The following JMJD7 variants were observed in gnomAD, a reference collection of about 807,000 sequenced individuals.
JMJD7 encodes the protein jumonji domain containing 7, also known as bifunctional peptidase and (3S)-lysyl hydroxylase JMJD7.
Under a neutral mutation model 41.1 loss-of-function variants are expected in JMJD7, and 41 were observed. The ratio of observed to expected loss-of-function variants is 1.00; its 90% CI spans 0.78 to 1.30. The LOEUF (loss-of-function observed/expected upper bound fraction) is 1.30, where lower values mean the gene tolerates loss of function less well. JMJD7 is among the 50% of genes most tolerant of loss of function. The pLI, the probability that JMJD7 is intolerant of heterozygous loss-of-function variation, is 0.00. For missense variants in JMJD7, 480 were observed against 420.7 expected (o/e 1.14, Z -1.23); for synonymous variants, 202 against 177.2 (o/e 1.14, Z -1.11).
chr15:41,831,769 C>T (rs889642989), intron 1 of JMJD7, among the ~76,000 whole-genome samples: 2 of 152,132 alleles, frequency 1.3e-5, no homozygotes, highest in East Asian at 1.9e-4. Flanking sequence ...CAGTAAAGCT[C>T]CTCTTTGTCT....
rs905323695 is a variant in JMJD7 at position 41,837,445 on chromosome 15, C to G, written c.*289C>G. On this transcript the variant is annotated 3_prime_UTR_variant, in exon 8 of 8. Coordinates refer to ENST00000397299, the MANE Select transcript of JMJD7 (RefSeq NM_001114632.2). ...TGTGATGTTGGGCGAGTCACTGCGT[C>G]TCGGGCATTGGTGTCCTGTCAGTAA... 2.1e-6 allele frequency: 1 copy of G among 487,300 alleles called. No individual in the cohort carries two copies. The highest frequency in any genetic ancestry group is 3.7e-6 in the Non-Finnish European group (1 of 273,622). The allele number at this position is 487,300 out of a possible 1,614,324, so 30.2% of individuals were successfully genotyped here. A position where few individuals can be genotyped will look rare whatever the true frequency, so the allele number is the denominator to read the frequency against.
chr15:41,836,892 C>T lies in JMJD7; in HGVS notation c.814C>T (p.Pro272Ser), dbSNP rs767374060. The T allele has an allele frequency of 1.2e-6, 2 of 1,613,570 alleles. No individual in the cohort carries two copies. ...TVRAGEMLYL[P>S]ALWFHHVQQS... is the part of the protein sequence containing the mutation. Reference sequence around the variant, plus strand: ...GCGGGCCGGTGAGATGCTCTATCTGCCGGCTCTGTGGTTCCACCACGTCCA... The same window carrying T: ...GCGGGCCGGTGAGATGCTCTATCTGTCGGCTCTGTGGTTCCACCACGTCCA... The change falls in exon 7 of 8, where the codon CCG becomes TCG. Residue 272 changes from proline (P) to serine (S), a missense_variant. By Grantham distance (74) the Pro-to-Ser change is moderately conservative. Transcript: ENST00000397299.
At chr15:41,830,186 G>A (rs1227955347) in intron 1 of JMJD7, among the ~76,000 whole-genome samples, 4 of 152,136 alleles carry the variant, frequency 2.6e-5, no homozygotes, top group Non-Finnish European at 5.9e-5. Context: ...CCTGAACCTC[G>A]CTCCCTGCCA....
intron 4 of JMJD7, 108 bp from the exon 5 acceptor site, chr15:41,836,040 C>A: frequency 8.1e-7 from 1 of 1,241,450 alleles, no homozygotes; most frequent in South Asian, 1.5e-5. Flanking sequence ...GCGTGCTTCT[C>A]TTTTGTCATA....
In JMJD7 at chr15:41,833,704, G is replaced by T. The variant is rs550066175; in HGVS notation, c.65-1036G>T. Among the ~76,000 whole-genome samples the T allele has an allele frequency of 5.9e-5, 9 of 152,086 alleles. No homozygotes were observed. In the South Asian group the frequency reaches 1.9e-3, roughly 32 times the overall value. On this transcript the variant is annotated intron_variant, in intron 1 of 7. Transcript: ENST00000397299. ...CAAAGTGCTGGGATTACAGACATGAGCCACCACGTCTAGCCCTAAAATATA... is the reference window on the plus strand; with the variant it reads ...CAAAGTGCTGGGATTACAGACATGATCCACCACGTCTAGCCCTAAAATATA...
chr15:41,835,536 A>G (rs2241522), intron 3 of JMJD7, 52 bp from the exon 4 acceptor site: 524,946 of 1,588,014 alleles, frequency 0.33, 89,541 homozygotes, highest in Admixed American at 0.39. Context: ...ACTGGATGGC[A>G]GCTTTCCCCA....
chr15:41,833,414 A>ATTTTTTTTTTTTTTTT (rs67111164), intron 1 of JMJD7, among the ~76,000 whole-genome samples: 2 of 32,012 alleles, frequency 6.2e-5, no homozygotes, highest in East Asian at 9.9e-4. Flanking sequence ...ATATATATAT[A>ATTTTTTTTTTTTTTTT]TTTTTTTTTT....
chr15:41,832,519 G>C (rs573450289), intron 1 of JMJD7: 1 of 152,646 alleles, frequency 6.6e-6, no homozygotes, highest in African/African-American at 2.4e-5. Context: ...CAAGGTGACT[G>C]CTTGGATGGG....
Position 41,837,406 on chromosome 15 carries a change from C to T in JMJD7, c.*250C>T, listed in dbSNP as rs1352069085. 4 of 548,150 alleles carry T rather than the reference C, an allele frequency of 7.3e-6. No homozygotes were observed. Among genetic ancestry groups the T allele is most frequent in the Non-Finnish European group, 1.3e-5 (4 of 308,128 alleles). The allele number at this position is 548,150 out of a possible 1,614,324, so 34.0% of individuals were successfully genotyped here. A position where few individuals can be genotyped will look rare whatever the true frequency, so the allele number is the denominator to read the frequency against. Reference sequence around the variant, plus strand: ...AGAGTGGGGATCAGGTGCAGCGGCACCTCTCCCCAGCGCTGTGATGTTGGG... The same window carrying T: ...AGAGTGGGGATCAGGTGCAGCGGCATCTCTCCCCAGCGCTGTGATGTTGGG... On this transcript the variant is annotated 3_prime_UTR_variant, in exon 8 of 8. Transcript: ENST00000397299.
chr15:41,834,155 TTCC>T (rs1343593123), intron 1 of JMJD7, among the ~76,000 whole-genome samples: 1 of 152,184 alleles, frequency 6.6e-6, no homozygotes, highest in African/African-American at 2.4e-5. Context: ...GCCCTTCCTT[TTCC>T]TCCATTGGTG....
At chr15:41,833,464 A>G (rs1244308386) in intron 1 of JMJD7, among the ~76,000 whole-genome samples, 3 of 119,822 alleles carry the variant, frequency 2.5e-5, no homozygotes, top group Admixed American at 1.1e-4. Context: ...TCTGTCACCC[A>G]GGCTGGAGTG....
In JMJD7 at chr15:41,828,094, AGGCGGGGTCTCGGCC is replaced by A; in HGVS notation, c.-26_-12del. ...TGGCCTGCGGCGGGGCGTCGGGGAA[AGGCGGGGTCTCGGCC>A]GGCGCTGACGCAGCCATGGCGGAGG... is the stretch of plus-strand genomic sequence containing the variant. On this transcript the variant is annotated 5_prime_UTR_variant, in exon 1 of 8. Transcript: ENST00000397299. 7.1e-7 allele frequency: 1 copy of A among 1,409,846 alleles called. No homozygotes were observed. The allele number at this position is 1,409,846 out of a possible 1,614,324, so 87.3% of individuals were successfully genotyped here.
At chr15:41,836,066 C>T in intron 4 of JMJD7, 82 bp from the exon 5 acceptor site, 2 of 1,412,004 alleles carry the variant, frequency 1.4e-6, no homozygotes, top group Non-Finnish European at 1.9e-6. Flanking sequence ...TCTTGGGGTG[C>T]AGGGCTCTCA....
chr15:41,837,462 T>C lies in JMJD7; in HGVS notation c.*306T>C, dbSNP rs766020202. 18 of 451,500 alleles carry C rather than the reference T, an allele frequency of 4.0e-5. No homozygotes were observed. Among genetic ancestry groups the C allele is most frequent in the Admixed American group, 8.0e-5 (2 of 25,030 alleles). The allele number at this position is 451,500 out of a possible 1,614,324, so 28.0% of individuals were successfully genotyped here. On this transcript the variant is annotated 3_prime_UTR_variant, in exon 8 of 8. Coordinates refer to ENST00000397299, the MANE Select transcript of JMJD7 (RefSeq NM_001114632.2). ...CACTGCGTCTCGGGCATTGGTGTCC[T>C]GTCAGTAAAGAGATAATAATGGCTG...
At chr15:41,836,696 C>A in intron 6 of JMJD7, 85 bp from the exon 7 acceptor site, 1 of 1,492,980 alleles carries the variant, frequency 6.7e-7, no homozygotes, top group Non-Finnish European at 8.9e-7. Context: ...CAAGCAGGGC[C>A]TGTGGTGTTG....
At position 41,835,619 on chromosome 15, in the gene JMJD7, G is replaced by T. The variant is rs753233641; in HGVS notation, c.504G>T (p.Leu168=). Residue 168 remains leucine (L), a synonymous_variant, in exon 4 of 8, where the codon CTG becomes CTT. Coordinates refer to ENST00000397299, the MANE Select transcript of JMJD7 (RefSeq NM_001114632.2). ...GKMPDAVNFW[L]GEAAAVTSLH... ...TGCCCGATGCTGTGAACTTCTGGCT[G>T]GGGGAGGCGGCTGCAGTGACTTCTT... is the stretch of plus-strand genomic sequence containing the variant. The T allele has an allele frequency of 1.2e-6, 2 of 1,613,546 alleles. No homozygotes were observed. The highest frequency in any genetic ancestry group is 1.7e-5 in the Admixed American group (1 of 59,934).
rs771823025 is a variant in JMJD7 at position 41,837,078 on chromosome 15, G to C, written c.873G>C (p.Trp291Cys). Residue 291 changes from tryptophan to cysteine, a missense_variant, in exon 8 of 8, where the codon TGG becomes TGC. By Grantham distance (215) the Trp-to-Cys change is radical. Coordinates refer to ENST00000397299, the MANE Select transcript of JMJD7 (RefSeq NM_001114632.2). ...CCGTTCTTCCCACAGTGAATTTCTGGTATGACATGGAATACGACCTCAAGT... is the reference window on the plus strand; with the variant it reads ...CCGTTCTTCCCACAGTGAATTTCTGCTATGACATGGAATACGACCTCAAGT... ...QSQGCIAVNF[W>C]YDMEYDLKYS... 2 of 1,613,478 alleles carry C rather than the reference G, an allele frequency of 1.2e-6. No homozygotes were observed. Among genetic ancestry groups the C allele is most frequent in the Non-Finnish European group, 1.7e-6 (2 of 1,179,526 alleles).
Position 41,837,514 on chromosome 15 carries a change from G to C in JMJD7, c.*358G>C, listed in dbSNP as rs934720256. On this transcript the variant is annotated 3_prime_UTR_variant, in exon 8 of 8. Coordinates refer to ENST00000397299, the MANE Select transcript of JMJD7 (RefSeq NM_001114632.2). ...ACCTCGCGGGGCTGTTGTGGGCTTG[G>C]AGATGATGTCTATGAGGACCAGCAT... 3.4e-6 allele frequency: 1 copy of C among 290,118 alleles called. No individual in the cohort carries two copies. Among genetic ancestry groups the C allele is most frequent in the South Asian group, 6.6e-5 (1 of 15,102 alleles). 18.0% of individuals were successfully genotyped at this position (290,118 alleles called of 1,614,324 possible).
chr15:41,835,720 A>G (rs11070350), intron 4 of JMJD7, 76 bp downstream of exon 4: 307,059 of 1,537,778 alleles, frequency 0.2, 32,392 homozygotes, highest in African/African-American at 0.33. Context: ...CCAGGAGTGG[A>G]GGGATGGCCC....
Sources: allele counts gnomAD v4.1 joint callset (sites outside exome capture counted in the v4.1 genomes callset), GRCh38; gene constraint gnomAD v4.1.1; transcripts MANE v1.5; gene names NCBI Gene and HGNC (gene_info 2026-07-23, HGNC 2026-07-21).